Variants in NR3C2 observed in about 807,000 individuals in gnomAD.
The protein encoded by NR3C2 is nuclear receptor subfamily 3 group C member 2, also known as mineralocorticoid receptor.
Under a neutral mutation model 86.4 loss-of-function variants are expected in NR3C2, and 15 were observed. The observed-to-expected ratio is 0.17, with a 90% CI of 0.12 to 0.27. The LOEUF (loss-of-function observed/expected upper bound fraction) is 0.27, where lower values mean the gene tolerates loss of function less well. Ranked by LOEUF, NR3C2 falls within the 10% of genes least tolerant of loss-of-function variation. NR3C2 has a pLI of 1.00. For synonymous variants in NR3C2, 458 were observed against 450.5 expected (o/e 1.02, Z -0.21); for missense variants, 960 against 1,195.6 (o/e 0.80, Z 2.91).
At chr4:148,089,565 TGGA>T in intron 8 of NR3C2, among the ~76,000 whole-genome samples, 1 of 152,252 alleles carries the variant, frequency 6.6e-6, no homozygotes, top group Non-Finnish European at 1.5e-5. Context: ...TTTCCCTCTA[TGGA>T]ACACAGTTTG....
At chr4:148,434,505 T>C (rs1749942494) in intron 2 of NR3C2, among the ~76,000 whole-genome samples, 1 of 152,204 alleles carries the variant, frequency 6.6e-6, no homozygotes, top group South Asian at 2.1e-4. Context: ...TAATTTTAGA[T>C]ATGCTGAGTC....
intron 2 of NR3C2, among the ~76,000 whole-genome samples, chr4:148,298,001 G>T (rs1347722484): frequency 6.6e-6 from 1 of 152,136 alleles, no homozygotes; most frequent in African/African-American, 2.4e-5. Context: ...GGAGTGTAAA[G>T]TGTTGTCACT....
chr4:148,180,974 T>G (rs1735617594), intron 4 of NR3C2, among the ~76,000 whole-genome samples: 1 of 152,162 alleles, frequency 6.6e-6, no homozygotes, highest in African/African-American at 2.4e-5. Context: ...GCAACCATGA[T>G]GTCTGCTGTT....
intron 2 of NR3C2, among the ~76,000 whole-genome samples, chr4:148,404,112 C>T (rs1198204883): frequency 2.6e-5 from 4 of 152,064 alleles, no homozygotes; most frequent in Admixed American, 6.6e-5. Context: ...TCTTCTGATG[C>T]TTTTTATTTG....
chr4:148,214,938 T>C (rs1338168732), intron 3 of NR3C2, among the ~76,000 whole-genome samples: 2 of 152,206 alleles, frequency 1.3e-5, no homozygotes, highest in African/African-American at 2.4e-5. Flanking sequence ...ATTAAGAGCC[T>C]TGAAAGGACA....
At chr4:148,422,052 G>A (rs1040245317) in intron 2 of NR3C2, among the ~76,000 whole-genome samples, 6 of 152,028 alleles carry the variant, frequency 3.9e-5, no homozygotes, top group Non-Finnish European at 5.9e-5. Flanking sequence ...CACAATGAAA[G>A]GTTGCTATGC....
intron 4 of NR3C2, among the ~76,000 whole-genome samples, chr4:148,165,151 T>C (rs918903584): frequency 6.6e-6 from 1 of 152,228 alleles, no homozygotes; most frequent in African/African-American, 2.4e-5. Context: ...ATATTTAAAC[T>C]ATAATACATG....
chr4:148,242,556 G>C (rs1739109162), intron 3 of NR3C2, among the ~76,000 whole-genome samples: 1 of 152,146 alleles, frequency 6.6e-6, no homozygotes. Flanking sequence ...GAATTTACTG[G>C]ACAAGTAAAG....
chr4:148,186,078 C>T (rs2883879), intron 4 of NR3C2, among the ~76,000 whole-genome samples: 38,571 of 152,054 alleles, frequency 0.25, 5,409 homozygotes, highest in East Asian at 0.58. Flanking sequence ...TATTCTCCCA[C>T]CTGAAATGCA....
At chr4:148,298,378 G>A (rs371271647) in intron 2 of NR3C2, among the ~76,000 whole-genome samples, 9 of 152,178 alleles carry the variant, frequency 5.9e-5, no homozygotes, top group African/African-American at 1.2e-4. Flanking sequence ...GATGGCTGCC[G>A]GAAGAAGGCA....
intron 3 of NR3C2, among the ~76,000 whole-genome samples, chr4:148,259,566 T>G (rs2149871221): frequency 6.6e-6 from 1 of 152,346 alleles, no homozygotes; most frequent in South Asian, 2.1e-4. Context: ...GACTTGATTC[T>G]GATATTAACG....
chr4:148,362,929 C>A (rs1745913050), intron 2 of NR3C2, among the ~76,000 whole-genome samples: 1 of 152,194 alleles, frequency 6.6e-6, no homozygotes, highest in African/African-American at 2.4e-5. Context: ...GCCGTTCAAA[C>A]ACTTTTCATT....
At chr4:148,228,743 C>T (rs1394510985) in intron 3 of NR3C2, among the ~76,000 whole-genome samples, 1 of 152,108 alleles carries the variant, frequency 6.6e-6, no homozygotes, top group Non-Finnish European at 1.5e-5. Flanking sequence ...GTCAAAAGAA[C>T]TACTGAAATT....
chr4:148,348,352 C>G (rs1013150302), intron 2 of NR3C2, among the ~76,000 whole-genome samples: 1 of 152,120 alleles, frequency 6.6e-6, no homozygotes, highest in Non-Finnish European at 1.5e-5. Flanking sequence ...AATTCACCTA[C>G]TATTCTGTAC....
chr4:148,221,681 C>A (rs1404797920), intron 3 of NR3C2, among the ~76,000 whole-genome samples: 2 of 151,882 alleles, frequency 1.3e-5, no homozygotes, highest in African/African-American at 4.8e-5. Context: ...TCACTTGAGG[C>A]CAGGAATTTG....
At chr4:148,405,097 A>T (rs72658630) in intron 2 of NR3C2, among the ~76,000 whole-genome samples, 5 of 152,186 alleles carry the variant, frequency 3.3e-5, no homozygotes, top group Non-Finnish European at 7.3e-5. Flanking sequence ...CTCACATAAC[A>T]TCCAAAAAAT....
intron 2 of NR3C2, among the ~76,000 whole-genome samples, chr4:148,266,407 G>C (rs971806528): frequency 9.8e-5 from 15 of 152,308 alleles, no homozygotes; most frequent in Admixed American, 6.5e-4. Flanking sequence ...TGAAATGACA[G>C]AGTAGCCAGC....
chr4:148,290,943 A>C (rs1028513146), intron 2 of NR3C2, among the ~76,000 whole-genome samples: 4 of 152,170 alleles, frequency 2.6e-5, no homozygotes, highest in Non-Finnish European at 4.4e-5. Flanking sequence ...ACCTGTTAGA[A>C]TGAGCAAACA....
intron 3 of NR3C2, among the ~76,000 whole-genome samples, chr4:148,235,542 A>G (rs1404197679): frequency 6.6e-6 from 1 of 152,188 alleles, no homozygotes; most frequent in Non-Finnish European, 1.5e-5. Flanking sequence ...AAAGTTTAAA[A>G]TATAACACAA....
Sources: allele counts gnomAD v4.1 joint callset (sites outside exome capture counted in the v4.1 genomes callset), GRCh38; gene constraint gnomAD v4.1.1; transcripts MANE v1.5; gene names NCBI Gene and HGNC (gene_info 2026-07-23, HGNC 2026-07-21).